The following HAO2 variants were observed in gnomAD, a reference collection of about 807,000 sequenced individuals.
The protein encoded by HAO2 is 2-Hydroxyacid oxidase 2.
In HAO2, 42 loss-of-function variants were observed where a neutral mutation model predicts 37.4. That is an observed-to-expected ratio of 1.12 (90% CI 0.88 to 1.45). The LOEUF is 1.45. HAO2 is among the 40% of genes most tolerant of loss of function. The pLI, the probability that HAO2 is intolerant of heterozygous loss-of-function variation, is 0.00. For missense variants in HAO2, 476 were observed against 430.2 expected, an observed-to-expected ratio of 1.11 and a Z score of -0.94; for synonymous variants, 180 against 162.8, an observed-to-expected ratio of 1.11 and a Z score of -0.81.
chr1:119,393,206 A>G (rs886348516), intron 7 of HAO2, among the ~76,000 whole-genome samples: 7 of 152,098 alleles, frequency 4.6e-5, no homozygotes, highest in African/African-American at 1.7e-4. Flanking sequence ...ACTCAAGCCC[A>G]CAACTCCCCA....
intron 3 of HAO2, 131 bp downstream of exon 3, chr1:119,383,197 A>T: frequency 1.7e-6 from 1 of 599,376 alleles, no homozygotes; most frequent in Non-Finnish European, 2.9e-6. Flanking sequence ...AAGGCAGGAA[A>T]GGGAATGCTT....
chr1:119,390,703 G>C (rs1213775617), intron 5 of HAO2, among the ~76,000 whole-genome samples: 1 of 152,190 alleles, frequency 6.6e-6, no homozygotes, highest in Non-Finnish European at 1.5e-5. Flanking sequence ...TAATAGGACA[G>C]AACAGGACAT....
intron 1 of HAO2, among the ~76,000 whole-genome samples, chr1:119,371,436 A>AT (rs996524691): frequency 1.2e-4 from 18 of 152,170 alleles, no homozygotes; most frequent in East Asian, 3.9e-4. Context: ...AATAATTAAG[A>AT]TTTTTTTTAA....
intron 2 of HAO2, among the ~76,000 whole-genome samples, chr1:119,381,708 C>T (rs1649959543): frequency 1.3e-5 from 2 of 152,126 alleles, no homozygotes; most frequent in South Asian, 4.1e-4. Flanking sequence ...CATCGGTCAA[C>T]CAACAGCAGT....
intron 1 of HAO2, chr1:119,369,158 G>A (rs1052799261): frequency 2.0e-5 from 3 of 152,258 alleles, no homozygotes; most frequent in African/African-American, 7.2e-5. Context: ...TGGAATATTC[G>A]TGGGTGTCCA....
At chr1:119,377,583 T>G (rs1209560060) in intron 1 of HAO2, among the ~76,000 whole-genome samples, 1 of 152,226 alleles carries the variant, frequency 6.6e-6, no homozygotes, top group African/African-American at 2.4e-5. Flanking sequence ...TTTACTGTAT[T>G]AGTCCATTTT....
chr1:119,388,931 C>T (rs587728781), intron 5 of HAO2, among the ~76,000 whole-genome samples: 1 of 150,628 alleles, frequency 6.6e-6, no homozygotes, highest in African/African-American at 2.4e-5. Flanking sequence ...CCCCTTCACA[C>T]CCTTTCTCCC....
chr1:119,380,522 T>C, intron 1 of HAO2: 2 of 598,138 alleles, frequency 3.3e-6, no homozygotes, highest in Non-Finnish European at 6.0e-6. Flanking sequence ...AATTCAAACA[T>C]TGAGATTCCT....
At chr1:119,389,152 A>ACACACG (rs915806666) in intron 5 of HAO2, among the ~76,000 whole-genome samples, 6 of 74,702 alleles carry the variant, frequency 8.0e-5, no homozygotes, top group African/African-American at 2.9e-4. Flanking sequence ...ATATATATAT[A>ACACACG]TATATATATA....
rs1309410410 is a variant in HAO2 at position 119,393,848 on chromosome 1, G to A, written c.*8G>A. 1.2e-6 allele frequency: 2 copies of A among 1,612,540 alleles called. No homozygotes were observed. The highest frequency in any genetic ancestry group is 1.3e-5 in the African/African-American group (1 of 74,838). ...CAGTTTTCCAGGCTGTAAGAAAAAA[G>A]GGCCAATAACCAGACTGCTGAGGTT... On this transcript the variant is annotated 3_prime_UTR_variant, in exon 8 of 8. Transcript: ENST00000325945.
chr1:119,390,292 C>T (rs1361624150), intron 5 of HAO2, among the ~76,000 whole-genome samples: 1 of 152,126 alleles, frequency 6.6e-6, no homozygotes, highest in Non-Finnish European at 1.5e-5. Flanking sequence ...ACTCTTGTCA[C>T]CCACGCTGGA....
intron 5 of HAO2, among the ~76,000 whole-genome samples, chr1:119,391,314 G>A (rs587695583): frequency 1.3e-3 from 192 of 152,158 alleles, no homozygotes; most frequent in African/African-American, 4.4e-3. Flanking sequence ...AGGATCTTCC[G>A]CCTTGATCCA....
At chr1:119,392,040 A>G in intron 5 of HAO2, 70 bp from the exon 6 acceptor site, 1 of 1,405,652 alleles carries the variant, frequency 7.1e-7, no homozygotes, top group Non-Finnish European at 9.8e-7. Flanking sequence ...TTTCCTGGTC[A>G]TATGCCAGGA....
Position 119,392,683 on chromosome 1 carries a change from T to C in HAO2, c.996T>C (p.Leu332=). ...ATGAGTTCCACACTTCCATGGCCCT[T>C]ACAGGTAAGTTAACATGTTTTCCCT... ...LTNEFHTSMA[L]TGCRSVAEIN... is the part of the protein sequence containing the mutation. Residue 332 remains leucine (L), a synonymous_variant, in exon 7 of 8, where the codon CTT becomes CTC. Coordinates refer to ENST00000325945, the MANE Select transcript of HAO2 (RefSeq NM_016527.4). The C allele has an allele frequency of 6.3e-7, 1 of 1,584,856 alleles. No homozygotes were observed. Among genetic ancestry groups the C allele is most frequent in the Non-Finnish European group, 8.7e-7 (1 of 1,153,390 alleles).
intron 1 of HAO2, among the ~76,000 whole-genome samples, chr1:119,374,177 G>A (rs965926791): frequency 7.2e-5 from 11 of 152,156 alleles, no homozygotes; most frequent in African/African-American, 1.7e-4. Flanking sequence ...CCATGCTGGG[G>A]GCTCATCTGC....
intron 1 of HAO2, among the ~76,000 whole-genome samples, chr1:119,373,662 G>A (rs587626831): frequency 2.0e-5 from 3 of 152,132 alleles, no homozygotes; most frequent in African/African-American, 7.2e-5. Context: ...CTTTCAATCC[G>A]TGACACACAA....
At chr1:119,391,065 G>A (rs1570797090) in intron 5 of HAO2, among the ~76,000 whole-genome samples, 1 of 152,228 alleles carries the variant, frequency 6.6e-6, no homozygotes, top group Admixed American at 6.5e-5. Flanking sequence ...GTTATTACAT[G>A]TAAGTTCAAA....
chr1:119,387,186 G>C (rs1650464275), intron 5 of HAO2, among the ~76,000 whole-genome samples: 1 of 152,130 alleles, frequency 6.6e-6, no homozygotes, highest in African/African-American at 2.4e-5. Flanking sequence ...TGATTAGACA[G>C]ATGTTCTAAA....
chr1:119,370,012 A>G (rs1161941845), intron 1 of HAO2: 2 of 152,184 alleles, frequency 1.3e-5, no homozygotes, highest in Admixed American at 6.5e-5. Context: ...TCCTTACACA[A>G]TATCAGCTGA....
Sources: allele counts gnomAD v4.1 joint callset (sites outside exome capture counted in the v4.1 genomes callset), GRCh38; gene constraint gnomAD v4.1.1; transcripts MANE v1.5; gene names NCBI Gene and HGNC (gene_info 2026-07-23, HGNC 2026-07-21).